The following TAS2R1 variants were observed in gnomAD, a reference collection of about 807,000 sequenced individuals.
TAS2R1 encodes taste 2 receptor member 1.
For synonymous variants in TAS2R1, 141 were observed against 134.2 expected (o/e 1.05, Z -0.35); for missense variants, 370 against 353.4 (o/e 1.05, Z -0.38).
chr5:9,718,000 G>GC, the TAS2R1 span, among the ~76,000 whole-genome samples: 1 of 152,040 alleles, frequency 6.6e-6, no homozygotes, highest in Admixed American at 6.5e-5. Context: ...TCACTCTGTT[G>GC]CCACGCTGGA....
chr5:9,866,341 T>A, the TAS2R1 span, among the ~76,000 whole-genome samples: 1 of 152,230 alleles, frequency 6.6e-6, no homozygotes, highest in African/African-American at 2.4e-5. Context: ...ATAACTCCAA[T>A]TTCTAATTGT....
chr5:9,834,875 A>G, the TAS2R1 span, among the ~76,000 whole-genome samples: 1 of 152,174 alleles, frequency 6.6e-6, no homozygotes, highest in Non-Finnish European at 1.5e-5. Flanking sequence ...ACAAGTTAAG[A>G]TGCAGTAAAC....
At chr5:9,831,827 G>GA in the TAS2R1 span, among the ~76,000 whole-genome samples, 1 of 152,034 alleles carries the variant, frequency 6.6e-6, no homozygotes. Context: ...ATTTTTATCT[G>GA]AAAAGGTCGT....
At chr5:9,662,773 T>C (rs538713389) in intron 1 of TAS2R1, among the ~76,000 whole-genome samples, 1 of 152,290 alleles carries the variant, frequency 6.6e-6, no homozygotes, top group Admixed American at 6.5e-5. Flanking sequence ...AACAAGAAGA[T>C]TGATAGTGTT....
the TAS2R1 span, among the ~76,000 whole-genome samples, chr5:9,868,451 G>A: frequency 6.6e-6 from 1 of 152,154 alleles, no homozygotes; most frequent in Non-Finnish European, 1.5e-5. Context: ...GCTGTACCTT[G>A]GCCCCTTTTA....
chr5:9,670,739 T>C (rs1340175552), intron 1 of TAS2R1, among the ~76,000 whole-genome samples: 1 of 152,188 alleles, frequency 6.6e-6, no homozygotes, highest in African/African-American at 2.4e-5. Context: ...TCATTTCTAC[T>C]GAAACTATTC....
chr5:9,856,539 T>C, the TAS2R1 span, among the ~76,000 whole-genome samples: 1 of 152,162 alleles, frequency 6.6e-6, no homozygotes, highest in South Asian at 2.1e-4. Flanking sequence ...ATTATAGACA[T>C]TAGCTACAGC....
the TAS2R1 span, among the ~76,000 whole-genome samples, chr5:9,837,234 G>A: frequency 6.6e-6 from 1 of 152,086 alleles, no homozygotes; most frequent in Non-Finnish European, 1.5e-5. Context: ...GACTCTTCCC[G>A]AGGCATGGAG....
At chr5:9,668,447 G>C (rs578034911) in intron 1 of TAS2R1, among the ~76,000 whole-genome samples, 59 of 152,132 alleles carry the variant, frequency 3.9e-4, no homozygotes, top group African/African-American at 1.4e-3. Context: ...CAATTCCCAG[G>C]ACACTAATCA....
chr5:9,720,418 G>A, the TAS2R1 span, among the ~76,000 whole-genome samples: 1 of 152,254 alleles, frequency 6.6e-6, no homozygotes, highest in Non-Finnish European at 1.5e-5. Flanking sequence ...CAGGAAGCAA[G>A]AGAGCAAACG....
the TAS2R1 span, among the ~76,000 whole-genome samples, chr5:9,757,042 A>C: frequency 1.3e-5 from 2 of 152,328 alleles, 1 homozygote; most frequent in East Asian, 3.8e-4. Flanking sequence ...TCTGCTCCCC[A>C]GACAGATTTC....
At chr5:9,888,653 T>C in the TAS2R1 span, among the ~76,000 whole-genome samples, 1 of 152,188 alleles carries the variant, frequency 6.6e-6, no homozygotes, top group African/African-American at 2.4e-5. Context: ...TTCACAAGCT[T>C]ACAGTCTGAT....
the TAS2R1 span, among the ~76,000 whole-genome samples, chr5:9,781,286 T>C: frequency 2.6e-5 from 4 of 152,210 alleles, no homozygotes; most frequent in African/African-American, 9.6e-5. Flanking sequence ...CTGAAAATGT[T>C]AGAATCATCC....
chr5:9,872,691 C>T, the TAS2R1 span, among the ~76,000 whole-genome samples: 1 of 152,186 alleles, frequency 6.6e-6, no homozygotes, highest in African/African-American at 2.4e-5. Flanking sequence ...TTATCCTACC[C>T]TTGGGCTACT....
the TAS2R1 span, among the ~76,000 whole-genome samples, chr5:9,890,994 G>A: frequency 6.6e-6 from 1 of 152,176 alleles, no homozygotes; most frequent in East Asian, 1.9e-4. Flanking sequence ...ATAGTCTGGA[G>A]ACCTCGGTAG....
the TAS2R1 span, among the ~76,000 whole-genome samples, chr5:9,891,683 C>G: frequency 1.3e-5 from 2 of 152,268 alleles, no homozygotes; most frequent in African/African-American, 4.8e-5. Flanking sequence ...TTTCCTCTGC[C>G]CATATAACAT....
At chr5:9,691,991 T>C (rs1454969075) in intron 1 of TAS2R1, among the ~76,000 whole-genome samples, 1 of 152,196 alleles carries the variant, frequency 6.6e-6, no homozygotes, top group Non-Finnish European at 1.5e-5. Context: ...TCTCCAGGGT[T>C]TGGAGTCCAT....
chr5:9,727,140 C>T, the TAS2R1 span, among the ~76,000 whole-genome samples: 6 of 152,166 alleles, frequency 3.9e-5, no homozygotes, highest in Non-Finnish European at 7.3e-5. Flanking sequence ...GTGATCTCAC[C>T]TGCATTTACA....
chr5:9,757,978 C>A, the TAS2R1 span, among the ~76,000 whole-genome samples: 9 of 151,634 alleles, frequency 5.9e-5, no homozygotes, highest in African/African-American at 1.9e-4. Flanking sequence ...AATTTTGAAA[C>A]CATGATTATT....
Sources: allele counts gnomAD v4.1 joint callset (sites outside exome capture counted in the v4.1 genomes callset), GRCh38; gene constraint gnomAD v4.1.1; transcripts MANE v1.5; gene names NCBI Gene and HGNC (gene_info 2026-07-23, HGNC 2026-07-21).